The following AAGAB variants were observed in gnomAD, a reference collection of about 807,000 sequenced individuals.
AAGAB encodes alpha and gamma adaptin binding protein.
In AAGAB, 38 loss-of-function variants were observed where a neutral mutation model predicts 44.1. The observed-to-expected ratio is 0.86, with a 90% CI of 0.67 to 1.13. AAGAB has a LOEUF of 1.13. AAGAB is among the 50% of genes most tolerant of loss of function. AAGAB has a pLI of 0.00. For missense variants in AAGAB, 450 were observed against 373.8 expected, an observed-to-expected ratio of 1.20 and a Z score of -1.68; for synonymous variants, 131 against 131.8, an observed-to-expected ratio of 0.99 and a Z score of 0.04.
rs963411421 is a variant in AAGAB at position 67,201,390 on chromosome 15, T to C, written c.*1431A>G. On this transcript the variant is annotated 3_prime_UTR_variant, in exon 10 of 10. Transcript: ENST00000261880. ...CAGTCACTGAGCTGTCCCCTCCCTGTGGTCACTCCTGCTGGCCCCTGTAGC... is the reference window on the plus strand; with the variant it reads ...CAGTCACTGAGCTGTCCCCTCCCTGCGGTCACTCCTGCTGGCCCCTGTAGC... 12 of 152,496 alleles carry C rather than the reference T, an allele frequency of 7.9e-5. No homozygotes were observed. The East Asian group carries it at 2.3e-3, about 29-fold the overall frequency. The allele number at this position is 152,496 out of a possible 1,614,324, so 9.4% of individuals were successfully genotyped here.
At chr15:67,224,590 T>C (rs1359684199) in intron 5 of AAGAB, among the ~76,000 whole-genome samples, 3 of 150,646 alleles carry the variant, frequency 2.0e-5, no homozygotes, top group East Asian at 1.9e-4. Context: ...CTTTTCTTTT[T>C]TTTTTTTTTT....
chr15:67,254,739 C>T (rs1166116251), upstream of AAGAB: 6 of 1,357,642 alleles, frequency 4.4e-6, no homozygotes, highest in Non-Finnish European at 6.2e-6. Context: ...CTCGGAATGA[C>T]CAGGCTGGCC....
At chr15:67,242,429 C>CAAAAAAAA (rs59817309) in intron 1 of AAGAB, among the ~76,000 whole-genome samples, 1 of 58,752 alleles carries the variant, frequency 1.7e-5, no homozygotes, top group African/African-American at 5.5e-5. Flanking sequence ...GACTCCGTCT[C>CAAAAAAAA]AAAAAAAAAA....
At chr15:67,255,127 G>T, upstream of AAGAB, 1 of 649,632 alleles carries the variant, frequency 1.5e-6, no homozygotes. Flanking sequence ...GCACACTCCC[G>T]GTGACTTACC....
At chr15:67,213,811 G>A (rs1348455755) in intron 5 of AAGAB, among the ~76,000 whole-genome samples, 1 of 152,170 alleles carries the variant, frequency 6.6e-6, no homozygotes, top group Non-Finnish European at 1.5e-5. Context: ...TATGTGCAAG[G>A]TAATATTTTA....
At chr15:67,218,755 CA>C (rs1397587081) in intron 5 of AAGAB, among the ~76,000 whole-genome samples, 3 of 152,148 alleles carry the variant, frequency 2.0e-5, no homozygotes, top group Admixed American at 6.5e-5. Flanking sequence ...GGGACATTAT[CA>C]AATTATAAAT....
intron 1 of AAGAB, among the ~76,000 whole-genome samples, chr15:67,249,100 T>G (rs921235746): frequency 7.2e-5 from 11 of 152,102 alleles, no homozygotes; most frequent in African/African-American, 2.7e-4. Context: ...AGTGGCGTGA[T>G]CTGAGCTTAC....
intron 5 of AAGAB, among the ~76,000 whole-genome samples, chr15:67,219,420 T>C (rs935647427): frequency 6.6e-6 from 1 of 152,162 alleles, no homozygotes; most frequent in Non-Finnish European, 1.5e-5. Flanking sequence ...CCCAGGTGCC[T>C]ATCAACGGTG....
chr15:67,225,966 G>A (rs1964194510), intron 5 of AAGAB, among the ~76,000 whole-genome samples: 1 of 152,106 alleles, frequency 6.6e-6, no homozygotes, highest in Non-Finnish European at 1.5e-5. Context: ...AGTGGCTGCA[G>A]CACCATTTTA....
At chr15:67,244,867 A>G (rs1964685174) in intron 1 of AAGAB, among the ~76,000 whole-genome samples, 1 of 152,204 alleles carries the variant, frequency 6.6e-6, no homozygotes, top group African/African-American at 2.4e-5. Flanking sequence ...ATTTCACCAA[A>G]GAAGATATTA....
At chr15:67,215,542 T>C (rs1367585696) in intron 5 of AAGAB, among the ~76,000 whole-genome samples, 1 of 152,232 alleles carries the variant, frequency 6.6e-6, no homozygotes, top group African/African-American at 2.4e-5. Context: ...TAAAGTTTTC[T>C]TTACATCCCC....
intron 1 of AAGAB, among the ~76,000 whole-genome samples, chr15:67,251,270 G>T (rs1191250456): frequency 6.6e-6 from 1 of 151,698 alleles, no homozygotes; most frequent in Non-Finnish European, 1.5e-5. Context: ...TTGAGACAGG[G>T]TCTCACTCTG....
At chr15:67,203,639 A>G (rs1185533561) in intron 8 of AAGAB, 42 bp from the exon 9 acceptor site, 2 of 1,553,906 alleles carry the variant, frequency 1.3e-6, no homozygotes, top group African/African-American at 2.7e-5. Flanking sequence ...CTAATAGCAC[A>G]GGATAACCTG....
At chr15:67,212,180 C>A (rs564268101) in intron 5 of AAGAB, among the ~76,000 whole-genome samples, 1 of 152,086 alleles carries the variant, frequency 6.6e-6, no homozygotes, top group African/African-American at 2.4e-5. Flanking sequence ...GGCACCCGGC[C>A]GAAATGCTTA....
At chr15:67,215,105 T>G (rs550157252) in intron 5 of AAGAB, among the ~76,000 whole-genome samples, 18 of 152,344 alleles carry the variant, frequency 1.2e-4, no homozygotes, top group African/African-American at 3.8e-4. Flanking sequence ...TACCTCTGCC[T>G]GTGTGCCATT....
At chr15:67,254,816 A>T, upstream of AAGAB, 2 of 1,483,870 alleles carry the variant, frequency 1.3e-6, no homozygotes, top group Non-Finnish European at 1.9e-6. Flanking sequence ...CGGTGTTGCC[A>T]TGGGGACGAG....
chr15:67,222,242 G>GCGCACACACACA (rs1367738219), intron 5 of AAGAB, among the ~76,000 whole-genome samples: 2,239 of 90,026 alleles, frequency 0.025, 13 homozygotes, highest in Non-Finnish European at 0.029. Context: ...GCGCGCGCGC[G>GCGCACACACACA]CACACACACA....
intron 5 of AAGAB, among the ~76,000 whole-genome samples, chr15:67,231,066 G>T (rs1025076344): frequency 6.6e-6 from 1 of 152,002 alleles, no homozygotes; most frequent in Non-Finnish European, 1.5e-5. Context: ...TTGAGACAGG[G>T]TCTTTCTCTG....
At chr15:67,253,460 A>G (rs1422765034) in intron 1 of AAGAB, among the ~76,000 whole-genome samples, 3 of 151,932 alleles carry the variant, frequency 2.0e-5, no homozygotes, top group African/African-American at 4.8e-5. Flanking sequence ...GAGAAAAGAG[A>G]AAGTGAAGGG....
Sources: allele counts gnomAD v4.1 joint callset (sites outside exome capture counted in the v4.1 genomes callset), GRCh38; gene constraint gnomAD v4.1.1; transcripts MANE v1.5; gene names NCBI Gene and HGNC (gene_info 2026-07-23, HGNC 2026-07-21).